Variants in A1CF observed in about 807,000 individuals in gnomAD.
A1CF encodes the protein APOBEC1 complementation factor, also known as APOBEC-1 stimulating protein.
A1CF carries 48 observed loss-of-function variants against 68.9 expected under a neutral mutation model. That is an observed-to-expected ratio of 0.70 (90% CI 0.55 to 0.89). The LOEUF is 0.89. Among genes scored for constraint, A1CF ranks in the 40% least tolerant of loss-of-function variants. The pLI is 0.00. For missense variants in A1CF, 653 were observed against 718.9 expected, an observed-to-expected ratio of 0.91 and a Z score of 1.05; for synonymous variants, 272 against 260.4, an observed-to-expected ratio of 1.04 and a Z score of -0.43.
intron 7 of A1CF, among the ~76,000 whole-genome samples, chr10:50,827,720 T>G (rs1455198804): frequency 6.6e-6 from 1 of 151,886 alleles, no homozygotes; most frequent in East Asian, 1.9e-4. Context: ...ACATCACAAT[T>G]AAAAGAACTA....
intron 6 of A1CF, among the ~76,000 whole-genome samples, chr10:50,832,203 G>C (rs1839279341): frequency 6.6e-6 from 1 of 152,162 alleles, no homozygotes; most frequent in South Asian, 2.1e-4. Context: ...GAAAGTATCA[G>C]AATTTTGTGA....
At chr10:50,876,658 C>A (rs149249615) in intron 1 of A1CF, among the ~76,000 whole-genome samples, 242 of 152,264 alleles carry the variant, frequency 1.6e-3, no homozygotes, top group African/African-American at 5.4e-3. Context: ...CTGGAACTTA[C>A]ACTATTGCTT....
intron 3 of A1CF, among the ~76,000 whole-genome samples, chr10:50,857,640 G>A (rs1840548491): frequency 6.6e-6 from 1 of 152,160 alleles, no homozygotes; most frequent in Admixed American, 6.5e-5. Context: ...AGCTTGATGT[G>A]TATTCCCTGC....
At chr10:50,842,035 A>T (rs765495560) in intron 4 of A1CF, 43 bp from the exon 5 acceptor site, 30 of 1,548,310 alleles carry the variant, frequency 1.9e-5, no homozygotes, top group Non-Finnish European at 2.6e-5. Context: ...ATACGTTTGT[A>T]CTTCTGAATG....
intron 2 of A1CF, among the ~76,000 whole-genome samples, chr10:50,861,988 A>G (rs1840769193): frequency 6.6e-6 from 1 of 151,100 alleles, no homozygotes; most frequent in Non-Finnish European, 1.5e-5. Flanking sequence ...TAGTACTACT[A>G]TTAGTAATAG....
In A1CF at chr10:50,799,939, G is replaced by C. The variant is rs1837533510; in HGVS notation, c.*6790C>G. On this transcript the variant is annotated 3_prime_UTR_variant, in exon 13 of 13. Coordinates refer to ENST00000373997, the MANE Select transcript of A1CF (RefSeq NM_014576.4). ...ATTAAATATTTAAACCAGTGATAAT[G>C]ATGAATTGATTTAAATAGATTTATC... 1 of 152,054 alleles carries C rather than the reference G, an allele frequency of 6.6e-6. No individual in the cohort carries two copies. Among genetic ancestry groups the C allele is most frequent in the African/African-American group, 2.4e-5 (1 of 41,426 alleles). The allele number at this position is 152,054 out of a possible 1,614,324, so 9.4% of individuals were successfully genotyped here. A position where few individuals can be genotyped will look rare whatever the true frequency, so the allele number is the denominator to read the frequency against.
At position 50,801,739 on chromosome 10, in the gene A1CF, AG is replaced by A. The variant is rs1253654490; in HGVS notation, c.*4989del. On this transcript the variant is annotated 3_prime_UTR_variant, in exon 13 of 13. Transcript: ENST00000373997. ...TCTCAAAATAGGAGAAAAGTCTGTA[AG>A]GGGGAGGTAGGTACAGAAGAATTCC... The A allele has an allele frequency of 6.6e-6, 1 of 152,200 alleles. No individual in the cohort carries two copies. The highest frequency in any genetic ancestry group is 1.5e-5 in the Non-Finnish European group (1 of 68,026). 9.4% of individuals were successfully genotyped at this position (152,200 alleles called of 1,614,324 possible).
intron 7 of A1CF, chr10:50,824,541 C>T (rs1487260670): frequency 6.6e-6 from 1 of 152,162 alleles, no homozygotes; most frequent in Non-Finnish European, 1.5e-5. Context: ...AAACACAAGT[C>T]TTCTCTGCAC....
At chr10:50,864,907 C>T (rs575227694) in intron 1 of A1CF, among the ~76,000 whole-genome samples, 28 of 152,186 alleles carry the variant, frequency 1.8e-4, no homozygotes, top group South Asian at 6.2e-4. Flanking sequence ...AGTGAGCCAC[C>T]GTGCCTGGCC....
chr10:50,813,677 A>G (rs938894514), intron 10 of A1CF, among the ~76,000 whole-genome samples, 180 bp downstream of exon 10: 4 of 152,220 alleles, frequency 2.6e-5, no homozygotes, highest in African/African-American at 9.6e-5. Context: ...GACCTATAAT[A>G]GAATAATGGC....
intron 8 of A1CF, among the ~76,000 whole-genome samples, chr10:50,818,591 A>G (rs1838484761): frequency 6.6e-6 from 1 of 152,172 alleles, no homozygotes; most frequent in Non-Finnish European, 1.5e-5. Flanking sequence ...GAATGTTTCC[A>G]TATAGAGAAA....
chr10:50,862,516 G>T (rs1176638515), intron 2 of A1CF, among the ~76,000 whole-genome samples: 1 of 152,042 alleles, frequency 6.6e-6, no homozygotes, highest in Non-Finnish European at 1.5e-5. Context: ...GATGGTTCTT[G>T]CCTGCTGCTG....
intron 1 of A1CF, among the ~76,000 whole-genome samples, chr10:50,866,171 T>C (rs1436930778): frequency 6.6e-6 from 1 of 152,228 alleles, no homozygotes; most frequent in African/African-American, 2.4e-5. Flanking sequence ...GAAATTGATT[T>C]TTGTTGTTTC....
chr10:50,844,157 A>C, intron 3 of A1CF, 35 bp from the exon 4 acceptor site: 1 of 1,594,340 alleles, frequency 6.3e-7, no homozygotes, highest in South Asian at 1.2e-5. Context: ...GGAGAGGAGA[A>C]AATGATCAAG....
intron 7 of A1CF, 109 bp downstream of exon 7, chr10:50,828,021 TA>T: frequency 1.3e-6 from 1 of 787,752 alleles, no homozygotes; most frequent in Non-Finnish European, 1.9e-6. Flanking sequence ...TCTATGCAAA[TA>T]AACTAGAAAT....
intron 2 of A1CF, among the ~76,000 whole-genome samples, chr10:50,863,318 AG>A (rs1308450049): frequency 1.3e-5 from 2 of 152,224 alleles, no homozygotes; most frequent in African/African-American, 4.8e-5. Context: ...TTTATTAAAA[AG>A]CTTGGCCAAA....
At position 50,806,744 on chromosome 10, in the gene A1CF, T is replaced by C; in HGVS notation, c.1746A>G (p.Gly582=). 6.2e-7 allele frequency: 1 copy of C among 1,605,292 alleles called. No individual in the cohort carries two copies. The highest frequency in any genetic ancestry group is 8.5e-7 in the Non-Finnish European group (1 of 1,176,924). ...PTFAVTARGD[G]YGTF is the part of the protein sequence containing the mutation. ...AAAAGCATCTTCAGAAGGTGCCATATCCATCCCCTCGGGCAGTCACTGCAA... is the reference window on the plus strand; with the variant it reads ...AAAAGCATCTTCAGAAGGTGCCATACCCATCCCCTCGGGCAGTCACTGCAA... The change falls in exon 13 of 13, where the codon GGA becomes GGG. Residue 582 remains glycine (G), a synonymous_variant. Coordinates refer to ENST00000373997, the MANE Select transcript of A1CF (RefSeq NM_014576.4).
rs1341961477 is a variant in A1CF at position 50,823,652 on chromosome 10, A to G, written c.770-3003T>C. ...AGTGATTTAACATGCCCTTCAGGTG[A>G]TTCTAATACTGCTAAACTCTTGTAG... On this transcript the variant is annotated intron_variant, in intron 7 of 12. Transcript: ENST00000373997. The G allele has an allele frequency of 2.0e-5, 3 of 152,282 alleles. No individual in the cohort carries two copies. In the East Asian group the frequency reaches 5.8e-4, roughly 29 times the overall value. 9.4% of individuals were successfully genotyped at this position (152,282 alleles called of 1,614,324 possible). A position where few individuals can be genotyped will look rare whatever the true frequency, so the allele number is the denominator to read the frequency against.
chr10:50,802,399 T>C lies in A1CF; in HGVS notation c.*4330A>G, dbSNP rs1267959215. On this transcript the variant is annotated 3_prime_UTR_variant, in exon 13 of 13. Transcript: ENST00000373997. The stretch of plus-strand genomic sequence containing the variant: ...TGTCTTCCAATAAGTATATACAAAA[T>C]CTTAAGTTATCCTATTAACATTTTC... 6.6e-6 allele frequency: 1 copy of C among 152,212 alleles called. No homozygotes were observed. Among genetic ancestry groups the C allele is most frequent in the Non-Finnish European group, 1.5e-5 (1 of 68,032 alleles). The allele number at this position is 152,212 out of a possible 1,614,324, so 9.4% of individuals were successfully genotyped here. A position where few individuals can be genotyped will look rare whatever the true frequency, so the allele number is the denominator to read the frequency against.
Sources: allele counts gnomAD v4.1 joint callset (sites outside exome capture counted in the v4.1 genomes callset), GRCh38; gene constraint gnomAD v4.1.1; transcripts MANE v1.5; gene names NCBI Gene and HGNC (gene_info 2026-07-23, HGNC 2026-07-21).